SLC24A2: variants seen among roughly 807,000 people sequenced by gnomAD.
SLC24A2 encodes solute carrier family 24 member 2, also known as sodium/potassium/calcium exchanger 2.
SLC24A2 carries 36 observed loss-of-function variants against 62.0 expected under a neutral mutation model. The observed-to-expected ratio is 0.58, with a 90% CI of 0.44 to 0.77. SLC24A2 has a LOEUF of 0.77. SLC24A2 is among the 30% of genes least tolerant of loss of function. The pLI is 0.00. For synonymous variants in SLC24A2, 358 were observed against 294.0 expected (o/e 1.22, Z -2.23); for missense variants, 846 against 817.9 (o/e 1.03, Z -0.42).
intron 2 of SLC24A2, among the ~76,000 whole-genome samples, chr9:19,631,203 T>A (rs917179803): frequency 1.2e-4 from 18 of 152,174 alleles, no homozygotes; most frequent in African/African-American, 4.1e-4. Context: ...ATAAGTTAAA[T>A]CAGATCTTAT....
the SLC24A2 span, among the ~76,000 whole-genome samples, chr9:20,218,946 T>C: frequency 6.6e-6 from 1 of 152,134 alleles, no homozygotes; most frequent in East Asian, 1.9e-4. Flanking sequence ...ATTTTGTGTA[T>C]GCAGCAATCC....
chr9:20,046,406 C>G, the SLC24A2 span, among the ~76,000 whole-genome samples: 1 of 152,264 alleles, frequency 6.6e-6, no homozygotes, highest in East Asian at 1.9e-4. Context: ...CAATGCCCAA[C>G]CTTCCTCCAG....
chr9:19,540,436 A>G (rs1834193968), intron 8 of SLC24A2, among the ~76,000 whole-genome samples: 1 of 150,194 alleles, frequency 6.7e-6, no homozygotes, highest in Non-Finnish European at 1.5e-5. Flanking sequence ...GCTTGTCTAT[A>G]AAGTATTTTA....
chr9:20,228,072 C>T, the SLC24A2 span, among the ~76,000 whole-genome samples: 2 of 152,130 alleles, frequency 1.3e-5, no homozygotes, highest in Non-Finnish European at 2.9e-5. Context: ...CAAATCCTCA[C>T]CCCTTATAAC....
the SLC24A2 span, among the ~76,000 whole-genome samples, chr9:19,969,221 ACAC>A: frequency 1.3e-5 from 2 of 149,964 alleles, no homozygotes; most frequent in South Asian, 2.1e-4. Flanking sequence ...ACACACACAC[ACAC>A]ACTTCTTCCT....
the SLC24A2 span, among the ~76,000 whole-genome samples, chr9:20,068,613 G>T: frequency 6.6e-6 from 1 of 152,060 alleles, no homozygotes; most frequent in Non-Finnish European, 1.5e-5. Flanking sequence ...TGCTTATATT[G>T]CCATAAATTG....
the SLC24A2 span, among the ~76,000 whole-genome samples, chr9:20,232,400 C>T: frequency 1.3e-5 from 2 of 152,150 alleles, no homozygotes; most frequent in African/African-American, 2.4e-5. Context: ...TTGATTATTG[C>T]CTCAATTTCA....
the SLC24A2 span, among the ~76,000 whole-genome samples, chr9:20,021,049 T>C: frequency 0.42 from 63,405 of 152,086 alleles, 14,119 homozygotes; most frequent in Non-Finnish European, 0.5. Flanking sequence ...AGACATAATA[T>C]ATAAATGCAC....
At chr9:19,635,822 C>T (rs1358241483) in intron 2 of SLC24A2, among the ~76,000 whole-genome samples, 1 of 152,184 alleles carries the variant, frequency 6.6e-6, no homozygotes, top group South Asian at 2.1e-4. Flanking sequence ...GCCACGACAT[C>T]TTTGCCTTTA....
chr9:20,178,116 T>A, the SLC24A2 span, among the ~76,000 whole-genome samples: 2 of 152,160 alleles, frequency 1.3e-5, no homozygotes, highest in African/African-American at 4.8e-5. Flanking sequence ...AGTGTAAATA[T>A]TTTCAGCCTT....
the SLC24A2 span, among the ~76,000 whole-genome samples, chr9:20,109,853 T>A: frequency 6.6e-6 from 1 of 152,020 alleles, no homozygotes; most frequent in African/African-American, 2.4e-5. Context: ...ATAATACCAA[T>A]CAAATTTCTT....
chr9:19,813,980 C>T, the SLC24A2 span, among the ~76,000 whole-genome samples: 1 of 152,082 alleles, frequency 6.6e-6, no homozygotes, highest in African/African-American at 2.4e-5. Flanking sequence ...GGTCATAGTA[C>T]TTTGCTATAG....
the SLC24A2 span, among the ~76,000 whole-genome samples, chr9:20,152,904 A>G: frequency 6.6e-6 from 1 of 151,654 alleles, no homozygotes; most frequent in African/African-American, 2.4e-5. Flanking sequence ...GTGCCTCAAA[A>G]CTCTTAGAAT....
At chr9:19,666,492 G>C (rs1301422114) in intron 2 of SLC24A2, among the ~76,000 whole-genome samples, 1 of 150,774 alleles carries the variant, frequency 6.6e-6, no homozygotes, top group South Asian at 2.1e-4. Flanking sequence ...GGAAACTGTG[G>C]AATATAGACA....
intron 2 of SLC24A2, among the ~76,000 whole-genome samples, chr9:19,728,223 G>A (rs1408874492): frequency 6.6e-6 from 1 of 151,432 alleles, no homozygotes; most frequent in Non-Finnish European, 1.5e-5. Context: ...TATCTCTTGG[G>A]TATTTAAGGT....
At chr9:20,123,708 G>A in the SLC24A2 span, among the ~76,000 whole-genome samples, 38 of 152,200 alleles carry the variant, frequency 2.5e-4, no homozygotes, top group Non-Finnish European at 3.8e-4. Context: ...ATTAACAGTG[G>A]TAATTATCAT....
chr9:19,742,600 T>C (rs1304310371), intron 2 of SLC24A2, among the ~76,000 whole-genome samples: 2 of 152,178 alleles, frequency 1.3e-5, no homozygotes, highest in Non-Finnish European at 2.9e-5. Flanking sequence ...GAACCTTTCC[T>C]TAGTTTAAGT....
the SLC24A2 span, among the ~76,000 whole-genome samples, chr9:19,999,879 C>T: frequency 3.9e-5 from 6 of 152,118 alleles, no homozygotes; most frequent in Admixed American, 2.0e-4. Context: ...CCTCTTCATC[C>T]GGGTCACTGG....
At chr9:19,727,957 T>C (rs1452800620) in intron 2 of SLC24A2, among the ~76,000 whole-genome samples, 1 of 152,200 alleles carries the variant, frequency 6.6e-6, no homozygotes, top group African/African-American at 2.4e-5. Flanking sequence ...AGGTTAACCC[T>C]GAGGACCTAA....
Sources: allele counts gnomAD v4.1 joint callset (sites outside exome capture counted in the v4.1 genomes callset), GRCh38; gene constraint gnomAD v4.1.1; transcripts MANE v1.5; gene names NCBI Gene and HGNC (gene_info 2026-07-23, HGNC 2026-07-21).